HIPK1: variants seen among roughly 807,000 people sequenced by gnomAD.
HIPK1 encodes the protein homeodomain interacting protein kinase 1.
Under a neutral mutation model 117.1 loss-of-function variants are expected in HIPK1, and 28 were observed. The ratio of observed to expected loss-of-function variants is 0.24; its 90% confidence interval spans 0.18 to 0.33. The LOEUF is 0.33. Ranked by LOEUF, HIPK1 falls within the 10% of genes least tolerant of loss-of-function variation. The probability of loss-of-function intolerance (pLI) is 1.00; values close to 1 mark genes in which losing one functional copy is unlikely to be tolerated. For missense variants in HIPK1, 1,122 were observed against 1,475.1 expected (o/e 0.76, Z 3.92); for synonymous variants, 605 against 562.5 (o/e 1.08, Z -1.07).
At chr1:113,959,435 A>G (rs759673527) in intron 8 of HIPK1, among the ~76,000 whole-genome samples, 4 of 152,226 alleles carry the variant, frequency 2.6e-5, no homozygotes, top group Admixed American at 6.5e-5. Context: ...TTTTCTGCAT[A>G]TGCTTCATAA....
intron 1 of HIPK1, among the ~76,000 whole-genome samples, chr1:113,937,660 C>T (rs560437201): frequency 2.4e-4 from 37 of 152,082 alleles, no homozygotes; most frequent in Admixed American, 5.9e-4. Flanking sequence ...GTACATGTGC[C>T]GGAGCTTATA....
At chr1:113,929,854 C>T in intron 1 of HIPK1, 1 of 987,684 alleles carries the variant, frequency 1.0e-6, no homozygotes, top group African/African-American at 1.7e-5. Flanking sequence ...GGTATGATGA[C>T]CCGGCTGCGG....
chr1:113,957,353 A>G, intron 7 of HIPK1, 67 bp downstream of exon 7: 2 of 1,333,380 alleles, frequency 1.5e-6, no homozygotes, highest in South Asian at 2.8e-5. Context: ...ATACAGGGCA[A>G]GGTAAAGAAC....
chr1:113,961,808 G>T (rs1295350617), intron 8 of HIPK1, among the ~76,000 whole-genome samples: 1 of 151,890 alleles, frequency 6.6e-6, no homozygotes, highest in African/African-American at 2.4e-5. Flanking sequence ...GACGGGCGTG[G>T]TGGCGCACTC....
At chr1:113,962,259 T>G in intron 8 of HIPK1, 58 bp from the exon 9 acceptor site, 1 of 1,566,850 alleles carries the variant, frequency 6.4e-7, no homozygotes, top group Admixed American at 1.8e-5. Flanking sequence ...CAAAATAATC[T>G]TAAAACAGTA....
chr1:113,934,936 C>G (rs1670154434), intron 1 of HIPK1, among the ~76,000 whole-genome samples: 1 of 141,852 alleles, frequency 7.0e-6, no homozygotes, highest in Non-Finnish European at 1.5e-5. Context: ...ATACAGTGAG[C>G]TGTGATCACA....
At chr1:113,968,049 C>G in intron 12 of HIPK1, 101 bp downstream of exon 12, 1 of 1,032,050 alleles carries the variant, frequency 9.7e-7, no homozygotes. Context: ...AGATATGAAG[C>G]AGCAAGTAGC....
intron 1 of HIPK1, chr1:113,933,270 GA>G: frequency 1.2e-6 from 1 of 845,404 alleles, no homozygotes; most frequent in Non-Finnish European, 1.4e-6. Context: ...GCCTAAGGGG[GA>G]AAATGAAGTT....
intron 11 of HIPK1, 81 bp from the exon 12 acceptor site, chr1:113,967,685 C>A: frequency 2.1e-6 from 2 of 970,860 alleles, no homozygotes; most frequent in Non-Finnish European, 1.5e-6. Flanking sequence ...TGCATTTTGG[C>A]TAATTGCTTT....
intron 1 of HIPK1, among the ~76,000 whole-genome samples, chr1:113,931,354 G>C (rs922849435): frequency 6.6e-6 from 1 of 152,114 alleles, no homozygotes; most frequent in Non-Finnish European, 1.5e-5. Context: ...TTATAATACT[G>C]TTATGATGAA....
chr1:113,963,308 G>T, intron 9 of HIPK1, 79 bp from the exon 10 acceptor site: 1 of 1,482,162 alleles, frequency 6.7e-7, no homozygotes, highest in Non-Finnish European at 9.3e-7. Context: ...GTAATAACTT[G>T]GGGGGAATGA....
At chr1:113,969,683 G>T (rs1167635763) in intron 13 of HIPK1, among the ~76,000 whole-genome samples, 1 of 152,156 alleles carries the variant, frequency 6.6e-6, no homozygotes, top group Admixed American at 6.5e-5. Flanking sequence ...GCCAAAGCAG[G>T]AAGATCACTT....
intron 10 of HIPK1, among the ~76,000 whole-genome samples, chr1:113,965,068 G>A (rs1324066720): frequency 1.3e-5 from 2 of 152,158 alleles, no homozygotes; most frequent in East Asian, 3.8e-4. Context: ...TCTGCTTATG[G>A]TAGCAGACGT....
intron 8 of HIPK1, among the ~76,000 whole-genome samples, chr1:113,961,181 T>G (rs1334731822): frequency 1.3e-5 from 2 of 152,218 alleles, no homozygotes; most frequent in African/African-American, 4.8e-5. Context: ...AGGAGGTCTA[T>G]TTGTAGGAAA....
intron 8 of HIPK1, among the ~76,000 whole-genome samples, chr1:113,958,742 A>T (rs563845745): frequency 6.6e-6 from 1 of 152,264 alleles, no homozygotes; most frequent in South Asian, 2.1e-4. Context: ...AATCATGTTT[A>T]AGAATGTGGA....
intron 14 of HIPK1, 134 bp downstream of exon 14, chr1:113,970,331 A>G (rs879376068): frequency 1.1e-6 from 1 of 902,786 alleles, no homozygotes; most frequent in Non-Finnish European, 1.7e-6. Context: ...TAATTCAGAA[A>G]TCAGTTCCCT....
chr1:113,944,958 C>T (rs1670892944), intron 2 of HIPK1, among the ~76,000 whole-genome samples: 1 of 152,170 alleles, frequency 6.6e-6, no homozygotes, highest in Non-Finnish European at 1.5e-5. Flanking sequence ...AGCAGTCCTC[C>T]CACCTTAGCC....
At chr1:113,972,102 G>C (rs1396858970) in intron 15 of HIPK1, 148 bp downstream of exon 15, 2 of 1,586,862 alleles carry the variant, frequency 1.3e-6, no homozygotes, top group Admixed American at 1.8e-5. Flanking sequence ...ACGTCGTACC[G>C]CATATGCTGT....
chr1:113,972,204 C>T (rs903688457), intron 15 of HIPK1: 20 of 1,054,206 alleles, frequency 1.9e-5, no homozygotes, highest in South Asian at 6.9e-5. Context: ...GTTAGAGAAA[C>T]GTCTGGGATT....
Sources: gnomAD v4.1 joint callset for allele counts (sites outside exome capture counted in the v4.1 genomes callset) on GRCh38, gnomAD v4.1.1 for gene constraint, MANE v1.5 for transcripts, NCBI Gene and HGNC (gene_info 2026-07-23, HGNC 2026-07-21) for gene names.